TENM3: variants seen among roughly 807,000 people sequenced by gnomAD.
The protein encoded by TENM3 is teneurin transmembrane protein 3, also known as teneurin-3.
Under a neutral mutation model 255.1 loss-of-function variants are expected in TENM3, and 63 were observed. The ratio of observed to expected loss-of-function variants is 0.25; its 90% CI spans 0.20 to 0.30. The LOEUF (loss-of-function observed/expected upper bound fraction) is 0.30. Ranked by LOEUF, TENM3 falls within the 10% of genes least tolerant of loss-of-function variation. TENM3 has a pLI of 1.00. For synonymous variants in TENM3, 1,306 were observed against 1,322.3 expected (o/e 0.99, Z 0.27); for missense variants, 2,929 against 3,461.1 (o/e 0.85, Z 3.86).
At chr4:181,767,596 C>T in the TENM3 span, among the ~76,000 whole-genome samples, 1 of 152,106 alleles carries the variant, frequency 6.6e-6, no homozygotes, top group South Asian at 2.1e-4. Flanking sequence ...ACCTGGGAGG[C>T]TTAAGCTGTG....
intron 3 of TENM3, among the ~76,000 whole-genome samples, chr4:182,550,013 G>A (rs1243101146): frequency 6.6e-6 from 1 of 152,184 alleles, no homozygotes; most frequent in African/African-American, 2.4e-5. Context: ...ATGTATTGGA[G>A]TCTTACTTGT....
At chr4:181,579,232 C>G in the TENM3 span, among the ~76,000 whole-genome samples, 1 of 152,004 alleles carries the variant, frequency 6.6e-6, no homozygotes, top group African/African-American at 2.4e-5. Context: ...CCCACTGTGA[C>G]CGCCCACATC....
At chr4:182,529,227 G>T (rs1000197534) in intron 3 of TENM3, among the ~76,000 whole-genome samples, 1 of 152,104 alleles carries the variant, frequency 6.6e-6, no homozygotes. Context: ...GAGGGAGGGC[G>T]GAGAACATTA....
At chr4:182,182,154 A>G (rs1752877126) in intron 1 of TENM3, among the ~76,000 whole-genome samples, 1 of 152,182 alleles carries the variant, frequency 6.6e-6, no homozygotes, top group Non-Finnish European at 1.5e-5. Context: ...AAGGATAAGA[A>G]AATTTCAGAC....
chr4:181,888,514 A>G, the TENM3 span, among the ~76,000 whole-genome samples: 1 of 27,666 alleles, frequency 3.6e-5, no homozygotes, highest in African/African-American at 1.5e-4. Context: ...ATATATATAT[A>G]TGTATATATA....
chr4:182,743,166 C>A lies in TENM3; in HGVS notation c.3380-4C>A. 3.1e-6 allele frequency: 5 copies of A among 1,588,112 alleles called. No homozygotes were observed. The highest frequency in any genetic ancestry group is 4.3e-6 in the Non-Finnish European group (5 of 1,161,382). ...AGAAAAACAATGCACTTTATTTCTTCTAGGTATACTGTACAAGGGAAACGG... is the reference window on the plus strand; with the variant it reads ...AGAAAAACAATGCACTTTATTTCTTATAGGTATACTGTACAAGGGAAACGG... On this transcript the variant is annotated splice_region_variant and splice_polypyrimidine_tract_variant and intron_variant, in intron 18 of 27. Coordinates refer to ENST00000511685, the MANE Select transcript of TENM3 (RefSeq NM_001080477.4).
chr4:182,246,027 G>A (rs1022618239), intron 1 of TENM3, among the ~76,000 whole-genome samples: 7 of 152,150 alleles, frequency 4.6e-5, no homozygotes, highest in African/African-American at 1.7e-4. Context: ...GGCTCTGCAA[G>A]TCACGGGAAA....
chr4:181,697,173 C>T, the TENM3 span, among the ~76,000 whole-genome samples: 3 of 152,176 alleles, frequency 2.0e-5, no homozygotes, highest in African/African-American at 4.8e-5. Context: ...AGGCCCAGGA[C>T]GGGCATGGTC....
At chr4:182,523,239 G>A (rs1029415290) in intron 3 of TENM3, among the ~76,000 whole-genome samples, 7 of 151,824 alleles carry the variant, frequency 4.6e-5, no homozygotes, top group African/African-American at 1.7e-4. Context: ...CACATGTTAA[G>A]TAATGCTTAA....
At chr4:182,712,008 A>G (rs1758783287) in intron 12 of TENM3, among the ~76,000 whole-genome samples, 1 of 152,142 alleles carries the variant, frequency 6.6e-6, no homozygotes, top group African/African-American at 2.4e-5. Flanking sequence ...TGTCAATCTA[A>G]AGAAGATCCT....
the TENM3 span, among the ~76,000 whole-genome samples, chr4:181,744,293 A>T: frequency 1.6e-4 from 25 of 152,286 alleles, no homozygotes; most frequent in African/African-American, 5.8e-4. Context: ...ATACCCACAC[A>T]TGTATCTTGG....
chr4:181,459,852 C>A, the TENM3 span, among the ~76,000 whole-genome samples: 9 of 151,860 alleles, frequency 5.9e-5, no homozygotes, highest in Admixed American at 4.6e-4. Flanking sequence ...CCTCAAAAAC[C>A]TGTTGAAATT....
chr4:181,970,883 C>T, the TENM3 span, among the ~76,000 whole-genome samples: 52 of 152,252 alleles, frequency 3.4e-4, no homozygotes, highest in African/African-American at 1.2e-3. Context: ...ACAATAAGTG[C>T]CATGCAACTA....
At chr4:182,101,990 G>A in the TENM3 span, among the ~76,000 whole-genome samples, 2 of 152,204 alleles carry the variant, frequency 1.3e-5, no homozygotes, top group Non-Finnish European at 2.9e-5. Context: ...ATCCCAGAGG[G>A]AGTGCTCGCT....
At chr4:182,224,743 T>C (rs1377562985) in intron 1 of TENM3, among the ~76,000 whole-genome samples, 1 of 151,478 alleles carries the variant, frequency 6.6e-6, no homozygotes, top group East Asian at 1.9e-4. Context: ...ATATCTTTTT[T>C]TTTTTTTTTT....
At chr4:181,451,211 A>G in the TENM3 span, among the ~76,000 whole-genome samples, 2 of 152,196 alleles carry the variant, frequency 1.3e-5, no homozygotes, top group Admixed American at 6.5e-5. Context: ...TAGGCAGTGG[A>G]AAGAACATGG....
At chr4:182,551,741 C>T (rs770302371) in intron 3 of TENM3, among the ~76,000 whole-genome samples, 1 of 151,942 alleles carries the variant, frequency 6.6e-6, no homozygotes, top group East Asian at 1.9e-4. Flanking sequence ...GTTAAATGGG[C>T]CATGCACAGT....
chr4:181,636,606 T>A, the TENM3 span, among the ~76,000 whole-genome samples: 1 of 152,158 alleles, frequency 6.6e-6, no homozygotes. Flanking sequence ...CAGCAGTTAC[T>A]CTTGGCGCTA....
intron 3 of TENM3, among the ~76,000 whole-genome samples, chr4:182,590,005 G>A (rs1217278240): frequency 6.6e-6 from 1 of 151,978 alleles, no homozygotes. Context: ...AAAAACGTTT[G>A]ATTTGCTTCT....
Sources: gnomAD v4.1 joint callset for allele counts (sites outside exome capture counted in the v4.1 genomes callset) on GRCh38, gnomAD v4.1.1 for gene constraint, MANE v1.5 for transcripts, NCBI Gene and HGNC (gene_info 2026-07-23, HGNC 2026-07-21) for gene names.